The following MED20 variants were observed in gnomAD, a reference collection of about 807,000 sequenced individuals.
MED20 encodes the protein mediator complex subunit 20, also known as mediator of RNA polymerase II transcription subunit 20.
In MED20, 19 loss-of-function variants were observed where a neutral mutation model predicts 19.7. That is an observed-to-expected ratio of 0.96 (90% CI 0.67 to 1.42). The LOEUF (loss-of-function observed/expected upper bound fraction) is 1.42. Ranked by LOEUF, MED20 falls within the 40% of genes most tolerant of loss-of-function variation. The probability of loss-of-function intolerance (pLI) is 0.00; values close to 1 mark genes in which losing one functional copy is unlikely to be tolerated. For synonymous variants in MED20, 105 were observed against 104.8 expected (o/e 1.00, Z -0.01); for missense variants, 225 against 273.0 (o/e 0.82, Z 1.24).
intron 2 of MED20, among the ~76,000 whole-genome samples, chr6:41,913,973 A>C (rs1158480058): frequency 6.6e-6 from 1 of 152,234 alleles, no homozygotes; most frequent in Non-Finnish European, 1.5e-5. Context: ...ACATGAGGAG[A>C]GAAGTACTAT....
chr6:41,916,870 C>T lies in MED20; in HGVS notation c.84G>A (p.Leu28=), dbSNP rs986025920. 3 of 1,614,070 alleles carry T rather than the reference C, an allele frequency of 1.9e-6. No homozygotes were observed. Among genetic ancestry groups the T allele is most frequent in the Non-Finnish European group, 2.5e-6 (3 of 1,179,994 alleles). Residue 28 remains leucine, a synonymous_variant, in exon 2 of 4, where the codon TTG becomes TTA. Transcript: ENST00000265350. Reference sequence around the variant, plus strand: ...CTTGCTTCTCTGCCCCAAGCATCTCCAATTTCCGGGTAAGGAGCTCTACGG... The same window carrying T: ...CTTGCTTCTCTGCCCCAAGCATCTCTAATTTCCGGGTAAGGAGCTCTACGG... ...QQTVELLTRK[L]EMLGAEKQGT... is the part of the protein sequence containing the mutation.
Position 41,917,588 on chromosome 6 carries a change from G to A in MED20, c.15-649C>T, listed in dbSNP as rs1003654259. On this transcript the variant is annotated intron_variant, in intron 1 of 3. Transcript: ENST00000265350. ...CCTGAGAGCCCCTCTAAGAACTGGA[G>A]CACAGTTCTCAGGATTCTCGCACCA... is the stretch of plus-strand genomic sequence containing the variant. 1.7e-5 allele frequency: 6 copies of A among 356,102 alleles called. No individual in the cohort carries two copies. In the Admixed American group the frequency reaches 2.0e-4, roughly 12 times the overall value. The allele number at this position is 356,102 out of a possible 1,614,324, so 22.1% of individuals were successfully genotyped here. A position where few individuals can be genotyped will look rare whatever the true frequency, so the allele number is the denominator to read the frequency against.
At chr6:41,920,112 C>G (rs759242923) in intron 1 of MED20, among the ~76,000 whole-genome samples, 1 of 152,184 alleles carries the variant, frequency 6.6e-6, no homozygotes, top group Admixed American at 6.5e-5. Flanking sequence ...TGGACCCATA[C>G]CTTTCCCTGC....
At chr6:41,913,984 G>A (rs771116034) in intron 2 of MED20, among the ~76,000 whole-genome samples, 11 of 152,182 alleles carry the variant, frequency 7.2e-5, no homozygotes, top group Non-Finnish European at 1.6e-4. Context: ...GAAGTACTAT[G>A]ATTATCTTCA....
At chr6:41,920,828 G>A in intron 1 of MED20, 177 bp downstream of exon 1, 2 of 638,332 alleles carry the variant, frequency 3.1e-6, no homozygotes, top group Non-Finnish European at 2.5e-6. Flanking sequence ...CAAGAGGAAG[G>A]GGCGCATCTC....
At position 41,917,335 on chromosome 6, in the gene MED20, G is replaced by A. The variant is rs1295250408; in HGVS notation, c.15-396C>T. ...GAATCATTTGAACCCGGGAGGCCGA[G>A]ACTGCAGTAAGCCGAGACTGCGCCC... is the stretch of plus-strand genomic sequence containing the variant. On this transcript the variant is annotated intron_variant, in intron 1 of 3. Coordinates refer to ENST00000265350, the MANE Select transcript of MED20 (RefSeq NM_004275.5). 5 of 172,258 alleles carry A rather than the reference G, an allele frequency of 2.9e-5. No individual in the cohort carries two copies. In the South Asian group the frequency reaches 5.7e-4, roughly 20 times the overall value. 10.7% of individuals were successfully genotyped at this position (172,258 alleles called of 1,614,324 possible). A position where few individuals can be genotyped will look rare whatever the true frequency, so the allele number is the denominator to read the frequency against.
chr6:41,912,199 C>CTTTTTTTT (rs887419565), intron 2 of MED20, among the ~76,000 whole-genome samples: 1 of 119,294 alleles, frequency 8.4e-6, no homozygotes, highest in African/African-American at 3.5e-5. Context: ...CCATGCCCAC[C>CTTTTTTTT]TTTTTTTTTT....
intron 2 of MED20, 60 bp from the exon 3 acceptor site, chr6:41,909,582 A>G: frequency 1.3e-6 from 2 of 1,585,122 alleles, no homozygotes; most frequent in South Asian, 1.2e-5. Context: ...CCCAGAGTAG[A>G]GTCAAATGAC....
At chr6:41,914,675 T>C (rs1268852615) in intron 2 of MED20, among the ~76,000 whole-genome samples, 1 of 151,502 alleles carries the variant, frequency 6.6e-6, no homozygotes, top group African/African-American at 2.4e-5. Flanking sequence ...GCTGTGATCA[T>C]GCTACTGTAC....
At chr6:41,920,906 C>G (rs1165656528) in intron 1 of MED20, 99 bp downstream of exon 1, 1 of 1,484,832 alleles carries the variant, frequency 6.7e-7, no homozygotes, top group African/African-American at 1.4e-5. Flanking sequence ...CCGAGGACAT[C>G]TCCCTCAGCT....
In MED20 at chr6:41,921,096, T is replaced by C. The variant is rs1775454567; in HGVS notation, c.-78A>G. ...TGTCCGCCCACAGAAACTCCTTCAG[T>C]TCCCCAACACAACCTTCTGTCTCAG... On this transcript the variant is annotated 5_prime_UTR_variant, in exon 1 of 4. Coordinates refer to ENST00000265350, the MANE Select transcript of MED20 (RefSeq NM_004275.5). The C allele has an allele frequency of 1.3e-6, 2 of 1,573,200 alleles. No individual in the cohort carries two copies. The highest frequency in any genetic ancestry group is 1.7e-6 in the Non-Finnish European group (2 of 1,152,196).
chr6:41,910,329 G>C (rs2127375586), intron 2 of MED20, among the ~76,000 whole-genome samples: 1 of 152,270 alleles, frequency 6.6e-6, no homozygotes, highest in South Asian at 2.1e-4. Flanking sequence ...ATTTAGTTAA[G>C]TAGAAAACAA....
intron 2 of MED20, among the ~76,000 whole-genome samples, chr6:41,913,355 C>T (rs572986148): frequency 6.6e-5 from 10 of 152,290 alleles, no homozygotes; most frequent in East Asian, 1.9e-4. Context: ...GCCATGAAGG[C>T]GTGCTGTCTC....
chr6:41,905,977 A>C lies in MED20; in HGVS notation c.*1095T>G, dbSNP rs892096264. ...AAGTCAACTCATAAACAAATGCTTT[A>C]GTTACAGGAGGTATTAACTGCAAAA... On this transcript the variant is annotated 3_prime_UTR_variant, in exon 4 of 4. Transcript: ENST00000265350. 3.9e-5 allele frequency: 6 copies of C among 152,230 alleles called. No individual in the cohort carries two copies. Among genetic ancestry groups the C allele is most frequent in the African/African-American group, 1.4e-4 (6 of 41,452 alleles). The allele number at this position is 152,230 out of a possible 1,614,324, so 9.4% of individuals were successfully genotyped here.
chr6:41,916,800 T>C lies in MED20; in HGVS notation c.154A>G (p.Thr52Ala). Residue 52 changes from threonine to alanine, a missense_variant, in exon 2 of 4, where the codon ACC becomes GCC. Physicochemically the swap from Thr to Ala is moderately conservative, Grantham distance 58 (BLOSUM62 0). Transcript: ENST00000265350. ...DCETYHTAAS[T>A]LGSQGQTGKL... ...TCTCACTGACCTTGGCTGCCAAGGGTAGAGGCGGCCGTATGGTAAGTCTCA... is the reference window on the plus strand; with the variant it reads ...TCTCACTGACCTTGGCTGCCAAGGGCAGAGGCGGCCGTATGGTAAGTCTCA... 1 of 1,613,998 alleles carries C rather than the reference T, an allele frequency of 6.2e-7. No individual in the cohort carries two copies. The highest frequency in any genetic ancestry group is 8.5e-7 in the Non-Finnish European group (1 of 1,179,962).
rs746507104 is a variant in MED20 at position 41,909,352 on chromosome 6, C to T, written c.340G>A (p.Gly114Ser). The change falls in exon 3 of 4, where the codon GGC (glycine) becomes AGC (serine). Residue 114 changes from glycine to serine, a missense_variant. Gly to Ser is a moderately conservative substitution (Grantham distance 56). Transcript: ENST00000265350. ...SAKASKIETR[G>S]TRYQYCDFLV... ...AAGTCACAGTACTGGTACCTGGTGC[C>T]CCGGGTCTCAATCTTGCTGGCCTTA... 5.6e-6 allele frequency: 9 copies of T among 1,614,132 alleles called. No homozygotes were observed. In the Admixed American group the frequency reaches 1.2e-4, roughly 21 times the overall value.
At chr6:41,911,797 G>C (rs1391187173) in intron 2 of MED20, among the ~76,000 whole-genome samples, 1 of 152,074 alleles carries the variant, frequency 6.6e-6, no homozygotes, top group Non-Finnish European at 1.5e-5. Flanking sequence ...CTGACTGCTT[G>C]CTGACAATTC....
Position 41,916,821 on chromosome 6 carries a change from T to C in MED20, c.133A>G (p.Thr45Ala). The change falls in exon 2 of 4, where the codon ACT becomes GCT. Residue 45 changes from threonine (T) to alanine (A), a missense_variant. By Grantham distance (58) the Thr-to-Ala change is moderately conservative. Transcript: ENST00000265350. ...KQGTFCVDCE[T>A]YHTAASTLGS... ...AGGGTAGAGGCGGCCGTATGGTAAG[T>C]CTCACAGTCCACACAAAATGTTCCT... 6.2e-7 allele frequency: 1 copy of C among 1,614,044 alleles called. No individual in the cohort carries two copies.
chr6:41,907,361 C>T (rs1041274646), intron 3 of MED20, 74 bp from the exon 4 acceptor site: 7 of 1,399,128 alleles, frequency 5.0e-6, no homozygotes, highest in Non-Finnish European at 4.9e-6. Flanking sequence ...TACCTCCTGC[C>T]TCCTGCTCCC....
Sources: allele counts gnomAD v4.1 joint callset (sites outside exome capture counted in the v4.1 genomes callset), GRCh38; gene constraint gnomAD v4.1.1; transcripts MANE v1.5; gene names NCBI Gene and HGNC (gene_info 2026-07-23, HGNC 2026-07-21).